Variants in CTNND2 observed in about 807,000 individuals in gnomAD.
CTNND2 encodes the protein catenin delta 2, also known as catenin delta-2.
In CTNND2, 22 loss-of-function variants were observed where a neutral mutation model predicts 144.4. The ratio of observed to expected loss-of-function variants is 0.15; its 90% CI spans 0.11 to 0.22. The LOEUF is 0.22. Ranked by LOEUF, CTNND2 falls within the 10% of genes least tolerant of loss-of-function variation. CTNND2 has a pLI of 1.00. For synonymous variants in CTNND2, 751 were observed against 695.6 expected, an observed-to-expected ratio of 1.08 and a Z score of -1.25; for missense variants, 1,353 against 1,618.8, an observed-to-expected ratio of 0.84 and a Z score of 2.82.
intron 2 of CTNND2, among the ~76,000 whole-genome samples, chr5:11,723,502 T>C (rs956098045): frequency 6.6e-6 from 1 of 152,110 alleles, no homozygotes; most frequent in Non-Finnish European, 1.5e-5. Context: ...AAGCATATGA[T>C]CAATGTAACA....
At chr5:11,465,561 C>T (rs995051579) in intron 3 of CTNND2, among the ~76,000 whole-genome samples, 1 of 152,166 alleles carries the variant, frequency 6.6e-6, no homozygotes, top group Non-Finnish European at 1.5e-5. Context: ...GCCAGACTGA[C>T]TCGAATGAAG....
chr5:11,512,204 C>G (rs1234260089), intron 3 of CTNND2, among the ~76,000 whole-genome samples: 1 of 152,124 alleles, frequency 6.6e-6, no homozygotes, highest in African/African-American at 2.4e-5. Context: ...CTTAAAATTC[C>G]TAATATTTTT....
At chr5:11,278,891 G>A (rs897579897) in intron 9 of CTNND2, among the ~76,000 whole-genome samples, 4 of 151,930 alleles carry the variant, frequency 2.6e-5, no homozygotes, top group Non-Finnish European at 4.4e-5. Flanking sequence ...ATTCTCCCTC[G>A]TTGCTTGACT....
chr5:11,432,618 C>G (rs776095501), intron 3 of CTNND2, among the ~76,000 whole-genome samples: 9 of 152,230 alleles, frequency 5.9e-5, no homozygotes, highest in Non-Finnish European at 8.8e-5. Context: ...ATGATTTCAA[C>G]TAAACAGTGA....
chr5:11,180,480 A>C (rs1346485369), intron 11 of CTNND2, among the ~76,000 whole-genome samples: 1 of 152,212 alleles, frequency 6.6e-6, no homozygotes, highest in Non-Finnish European at 1.5e-5. Flanking sequence ...AAGAAACATA[A>C]TAGCGATTGG....
intron 16 of CTNND2, among the ~76,000 whole-genome samples, chr5:11,059,360 T>G (rs62337246): frequency 2.3e-3 from 349 of 152,314 alleles, no homozygotes; most frequent in Admixed American, 7.0e-3. Context: ...TCTGATGGTT[T>G]TAAAAGGAGG....
chr5:11,250,722 G>T (rs997925008), intron 9 of CTNND2, among the ~76,000 whole-genome samples: 1 of 151,686 alleles, frequency 6.6e-6, no homozygotes, highest in African/African-American at 2.4e-5. Context: ...TCACTAGGTT[G>T]CTCAGGCTGG....
intron 9 of CTNND2, among the ~76,000 whole-genome samples, chr5:11,309,129 C>T (rs1020578875): frequency 1.3e-5 from 2 of 152,168 alleles, no homozygotes; most frequent in Non-Finnish European, 2.9e-5. Context: ...CAAATTGAAA[C>T]CATATCATCA....
intron 1 of CTNND2, among the ~76,000 whole-genome samples, chr5:11,797,229 C>T (rs182560597): frequency 1.8e-4 from 27 of 152,252 alleles, no homozygotes; most frequent in Admixed American, 1.0e-3. Context: ...GAGTGATCAC[C>T]GATCATTTCG....
chr5:11,444,708 T>A (rs1415610516), intron 3 of CTNND2, among the ~76,000 whole-genome samples: 1 of 151,946 alleles, frequency 6.6e-6, no homozygotes, highest in Non-Finnish European at 1.5e-5. Context: ...TCTAAAAAAA[T>A]AAAAATAAAT....
chr5:11,557,766 G>A (rs1395155353), intron 3 of CTNND2, among the ~76,000 whole-genome samples: 1 of 152,154 alleles, frequency 6.6e-6, no homozygotes, highest in Non-Finnish European at 1.5e-5. Context: ...ACCAACTGAT[G>A]ACGGGAATCT....
chr5:11,485,345 C>CTGTGTGTGTGTGTGTGTGTG (rs375624492), intron 3 of CTNND2, among the ~76,000 whole-genome samples: 2 of 148,826 alleles, frequency 1.3e-5, no homozygotes, highest in African/African-American at 5.0e-5. Context: ...GAGACAGAGA[C>CTGTGTGTGTGTGTGTGTGTG]TGTGTGTGTG....
At chr5:11,456,373 T>G (rs2149923936) in intron 3 of CTNND2, among the ~76,000 whole-genome samples, 2 of 152,124 alleles carry the variant, frequency 1.3e-5, no homozygotes, top group South Asian at 4.2e-4. Flanking sequence ...AGAGAATCAT[T>G]TTAAAAACAC....
intron 11 of CTNND2, among the ~76,000 whole-genome samples, chr5:11,190,723 C>T (rs1003205495): frequency 5.3e-5 from 8 of 152,202 alleles, no homozygotes; most frequent in African/African-American, 1.4e-4. Context: ...TGCTTTCATC[C>T]AGCACAGGTA....
At chr5:11,033,499 T>C (rs1450105498) in intron 16 of CTNND2, among the ~76,000 whole-genome samples, 1 of 152,190 alleles carries the variant, frequency 6.6e-6, no homozygotes, top group Non-Finnish European at 1.5e-5. Context: ...ATGAAAATAC[T>C]CTCAGAATGC....
chr5:11,728,070 A>G (rs1302631537), intron 2 of CTNND2, among the ~76,000 whole-genome samples: 1 of 152,222 alleles, frequency 6.6e-6, no homozygotes, highest in African/African-American at 2.4e-5. Context: ...GATGTAAAAG[A>G]TCTAGTTTCT....
At chr5:11,372,010 C>G (rs928543189) in intron 7 of CTNND2, among the ~76,000 whole-genome samples, 1 of 152,124 alleles carries the variant, frequency 6.6e-6, no homozygotes, top group Admixed American at 6.5e-5. Context: ...TAACTTAGTA[C>G]AGCTTTGCTG....
At chr5:11,145,186 A>C (rs1298418282) in intron 12 of CTNND2, among the ~76,000 whole-genome samples, 1 of 152,210 alleles carries the variant, frequency 6.6e-6, no homozygotes, top group Non-Finnish European at 1.5e-5. Flanking sequence ...TTAAACGTTC[A>C]GTAGGACTAA....
chr5:11,058,167 G>A (rs1041312697), intron 16 of CTNND2, among the ~76,000 whole-genome samples: 3 of 152,182 alleles, frequency 2.0e-5, no homozygotes, highest in East Asian at 3.9e-4. Context: ...ATTTGCATAC[G>A]TAATGAGGAG....
Sources: allele counts gnomAD v4.1 joint callset (sites outside exome capture counted in the v4.1 genomes callset), GRCh38; gene constraint gnomAD v4.1.1; transcripts MANE v1.5; gene names NCBI Gene and HGNC (gene_info 2026-07-23, HGNC 2026-07-21).